ARHGAP18: variants seen among roughly 807,000 people sequenced by gnomAD.
ARHGAP18 encodes the protein Rho GTPase activating protein 18, also known as rho GTPase-activating protein 18.
In ARHGAP18, 67 loss-of-function variants were observed where a neutral mutation model predicts 86.2. The observed-to-expected ratio is 0.78, with a 90% CI of 0.64 to 0.95. The LOEUF is 0.95. Ranked by LOEUF, ARHGAP18 falls within the 40% of genes least tolerant of loss-of-function variation. ARHGAP18 has a pLI of 0.00. For missense variants in ARHGAP18, 691 were observed against 780.4 expected (o/e 0.89, Z 1.37); for synonymous variants, 283 against 280.4 (o/e 1.01, Z -0.09).
intron 12 of ARHGAP18, among the ~76,000 whole-genome samples, chr6:129,586,369 T>C (rs577803886): frequency 1.3e-5 from 2 of 152,294 alleles, no homozygotes; most frequent in East Asian, 1.9e-4. Context: ...ATTCTGTTAG[T>C]TTATCACTAT....
chr6:129,671,614 G>A (rs1462477713), intron 1 of ARHGAP18, among the ~76,000 whole-genome samples: 2 of 152,146 alleles, frequency 1.3e-5, no homozygotes, highest in Non-Finnish European at 2.9e-5. Flanking sequence ...GGCTGAGGTG[G>A]GAGGATTGCT....
Position 129,577,706 on chromosome 6 carries a change from T to C in ARHGAP18, c.*807A>G, listed in dbSNP as rs540746542. The C allele has an allele frequency of 1.3e-5, 2 of 152,326 alleles. No homozygotes were observed. The highest frequency in any genetic ancestry group is 2.1e-4 in the South Asian group (1 of 4,828). 9.4% of individuals were successfully genotyped at this position (152,326 alleles called of 1,614,324 possible). ...TAAAGCCAGCTATGACTTTTAAAAT[T>C]CCATTTAGAAGAGTACAGTAGACAG... On this transcript the variant is annotated 3_prime_UTR_variant, in exon 15 of 15. Coordinates refer to ENST00000368149, the MANE Select transcript of ARHGAP18 (RefSeq NM_033515.3).
intron 1 of ARHGAP18, among the ~76,000 whole-genome samples, chr6:129,672,976 C>A (rs1475679438): frequency 6.6e-6 from 1 of 152,194 alleles, no homozygotes; most frequent in Non-Finnish European, 1.5e-5. Context: ...GAGAAGGGAG[C>A]AAGCAGTCTC....
intron 1 of ARHGAP18, among the ~76,000 whole-genome samples, chr6:129,692,089 G>T (rs970262958): frequency 1.3e-4 from 20 of 152,126 alleles, no homozygotes; most frequent in African/African-American, 4.8e-4. Context: ...CCAGGCCCCT[G>T]CCCATTTTTC....
At chr6:129,659,310 T>G (rs1371735623) in intron 1 of ARHGAP18, among the ~76,000 whole-genome samples, 2 of 152,228 alleles carry the variant, frequency 1.3e-5, no homozygotes, top group African/African-American at 2.4e-5. Context: ...TTCTCACTGC[T>G]AACATGTACA....
intron 1 of ARHGAP18, among the ~76,000 whole-genome samples, chr6:129,656,740 T>TA (rs1773847013): frequency 6.6e-6 from 1 of 152,238 alleles, no homozygotes; most frequent in Non-Finnish European, 1.5e-5. Flanking sequence ...TGCCTCATTT[T>TA]AATTTAATAA....
intron 13 of ARHGAP18, among the ~76,000 whole-genome samples, chr6:129,583,142 T>A (rs901150693): frequency 2.0e-5 from 3 of 152,180 alleles, no homozygotes; most frequent in African/African-American, 7.2e-5. Flanking sequence ...TTAAATTCAA[T>A]GAAAGACCAA....
intron 1 of ARHGAP18, among the ~76,000 whole-genome samples, chr6:129,678,305 G>A (rs1774270303): frequency 6.6e-6 from 1 of 152,210 alleles, no homozygotes; most frequent in Non-Finnish European, 1.5e-5. Context: ...GGATTAGAAA[G>A]TTGCAGTTCT....
At chr6:129,633,965 A>G in intron 4 of ARHGAP18, 77 bp downstream of exon 4, 3 of 1,258,080 alleles carry the variant, frequency 2.4e-6, no homozygotes, top group Non-Finnish European at 3.3e-6. Flanking sequence ...ATTGAAGGTA[A>G]TGTTTTATAA....
At chr6:129,639,143 A>T (rs1398765972) in intron 2 of ARHGAP18, among the ~76,000 whole-genome samples, 1 of 152,176 alleles carries the variant, frequency 6.6e-6, no homozygotes, top group East Asian at 1.9e-4. Flanking sequence ...TTTCAAATTA[A>T]TTTTTCTAAT....
chr6:129,695,184 A>C (rs534341348), intron 1 of ARHGAP18, among the ~76,000 whole-genome samples: 1 of 152,346 alleles, frequency 6.6e-6, no homozygotes, highest in African/African-American at 2.4e-5. Flanking sequence ...TACTTGCTAC[A>C]AAGTCTCTGC....
chr6:129,631,243 T>G (rs1158141180), intron 4 of ARHGAP18, among the ~76,000 whole-genome samples: 2 of 152,268 alleles, frequency 1.3e-5, no homozygotes, highest in Non-Finnish European at 2.9e-5. Flanking sequence ...ATTTCAAAAC[T>G]ACTCTTTCTT....
At position 129,680,900 on chromosome 6, in the gene ARHGAP18, G is replaced by A. The variant is rs550267607; in HGVS notation, c.113+29124C>T. ...GGAGGCATTATGACTTTGTACTTCAGCAATGACAGCAGTGGAGGATGGGCC... is the reference window on the plus strand; with the variant it reads ...GGAGGCATTATGACTTTGTACTTCAACAATGACAGCAGTGGAGGATGGGCC... On this transcript the variant is annotated intron_variant, in intron 1 of 14. Coordinates refer to ENST00000368149, the MANE Select transcript of ARHGAP18 (RefSeq NM_033515.3). 7.2e-5 allele frequency among the ~76,000 whole-genome samples: 11 copies of A among 152,318 alleles called. No individual in the cohort carries two copies. The East Asian group carries it at 1.9e-3, about 27-fold the overall frequency.
intron 5 of ARHGAP18, among the ~76,000 whole-genome samples, chr6:129,625,591 A>T (rs1454982642): frequency 1.2e-4 from 9 of 72,748 alleles, no homozygotes; most frequent in African/African-American, 4.9e-4. Context: ...TATATTATAT[A>T]TTTATATATT....
At chr6:129,682,621 C>T (rs1002402001) in intron 1 of ARHGAP18, among the ~76,000 whole-genome samples, 2 of 152,180 alleles carry the variant, frequency 1.3e-5, no homozygotes. Flanking sequence ...CCTAGAGACA[C>T]AAAGCAACAT....
At chr6:129,657,378 T>C (rs116486446) in intron 1 of ARHGAP18, among the ~76,000 whole-genome samples, 1,804 of 151,684 alleles carry the variant, frequency 0.012, 32 homozygotes, top group African/African-American at 0.042. Flanking sequence ...CATGTTTTCT[T>C]AATTGGAGTG....
chr6:129,614,702 C>T lies in ARHGAP18; in HGVS notation c.1044+1510G>A, dbSNP rs183450183. Among the ~76,000 whole-genome samples the T allele has an allele frequency of 6.9e-4, 104 of 150,784 alleles. 1 individual carries two copies. The highest frequency in any genetic ancestry group is 3.2e-3 in the Middle Eastern group (1 of 314). Reference sequence around the variant, plus strand: ...GTGTGCCAATTTGGCTAGGCCATAGCGCCCAGGTGTTCAGTCAAACAGCAG... The same window carrying T: ...GTGTGCCAATTTGGCTAGGCCATAGTGCCCAGGTGTTCAGTCAAACAGCAG... On this transcript the variant is annotated intron_variant, in intron 7 of 14. Transcript: ENST00000368149.
At chr6:129,645,934 C>T (rs556699794) in intron 1 of ARHGAP18, among the ~76,000 whole-genome samples, 2 of 152,118 alleles carry the variant, frequency 1.3e-5, no homozygotes, top group East Asian at 1.9e-4. Flanking sequence ...CCCATTTTCC[C>T]GTGATACATT....
In ARHGAP18 at chr6:129,625,054, T is replaced by TATATGATATA. The variant is rs113601462; in HGVS notation, c.786+4298_786+4299insTATATCATAT. Among the ~76,000 whole-genome samples, 71 of 55,772 alleles carry TATATGATATA rather than the reference T, an allele frequency of 1.3e-3. 1 individual carries two copies. The highest frequency in any genetic ancestry group is 4.4e-3 in the African/African-American group (67 of 15,102). The allele number at this position is 55,772 out of a possible 152,430, so 36.6% of individuals were successfully genotyped here. ...ATATATATTTATATAATATATATGATTGATATATATTTATATATAATATAT... is the reference window on the plus strand; with the variant it reads ...ATATATATTTATATAATATATATGATATATGATATATGATATATATTTATATATAATATAT... On this transcript the variant is annotated intron_variant, in intron 5 of 14. Coordinates refer to ENST00000368149, the MANE Select transcript of ARHGAP18 (RefSeq NM_033515.3).
Sources: gnomAD v4.1 joint callset for allele counts (sites outside exome capture counted in the v4.1 genomes callset) on GRCh38, gnomAD v4.1.1 for gene constraint, MANE v1.5 for transcripts, NCBI Gene and HGNC (gene_info 2026-07-23, HGNC 2026-07-21) for gene names.